Variants in LRFN2 observed in about 807,000 individuals in gnomAD.
LRFN2 encodes the protein leucine-rich repeat and fibronectin type-III domain-containing protein 2.
A neutral mutation model predicts 37.3 loss-of-function variants in LRFN2; 18 were observed. The observed-to-expected ratio is 0.48, with a 90% CI of 0.33 to 0.72. The LOEUF is 0.72. Among genes scored for constraint, LRFN2 ranks in the 30% least tolerant of loss-of-function variants. The pLI is 0.02. For missense variants in LRFN2, 1,006 were observed against 1,060.7 expected, an observed-to-expected ratio of 0.95 and a Z score of 0.72; for synonymous variants, 556 against 466.6, an observed-to-expected ratio of 1.19 and a Z score of -2.47.
At chr6:40,507,232 C>A (rs796349750) in intron 1 of LRFN2, among the ~76,000 whole-genome samples, 1 of 152,146 alleles carries the variant, frequency 6.6e-6, no homozygotes, top group South Asian at 2.1e-4. Flanking sequence ...TCTACTGACA[C>A]GTCAAACTAG....
intron 1 of LRFN2, among the ~76,000 whole-genome samples, chr6:40,496,947 T>C (rs1374571459): frequency 6.6e-6 from 1 of 152,126 alleles, no homozygotes; most frequent in African/African-American, 2.4e-5. Flanking sequence ...ACTCAGTGCC[T>C]TCCCTATCTA....
intron 1 of LRFN2, among the ~76,000 whole-genome samples, chr6:40,441,685 G>T (rs1244912611): frequency 2.0e-5 from 3 of 152,134 alleles, no homozygotes; most frequent in Non-Finnish European, 4.4e-5. Flanking sequence ...TTTAGACCTT[G>T]GGCTGCTCCT....
intron 1 of LRFN2, among the ~76,000 whole-genome samples, chr6:40,572,757 C>G (rs951311496): frequency 5.9e-5 from 9 of 152,202 alleles, no homozygotes; most frequent in Admixed American, 5.9e-4. Flanking sequence ...TAATCCCCAG[C>G]TAGTGGAAGG....
At chr6:40,466,432 T>C (rs1764468525) in intron 1 of LRFN2, among the ~76,000 whole-genome samples, 1 of 151,584 alleles carries the variant, frequency 6.6e-6, no homozygotes, top group Admixed American at 6.6e-5. Context: ...TTTTTAAAGA[T>C]CCCCTGATGT....
chr6:40,500,189 C>T (rs1032469666), intron 1 of LRFN2, among the ~76,000 whole-genome samples: 2 of 152,278 alleles, frequency 1.3e-5, no homozygotes, highest in African/African-American at 4.8e-5. Flanking sequence ...CCGGGAGGCT[C>T]TGCTGTGCTG....
chr6:40,472,951 G>A (rs1764632732), intron 1 of LRFN2, among the ~76,000 whole-genome samples: 1 of 152,144 alleles, frequency 6.6e-6, no homozygotes, highest in African/African-American at 2.4e-5. Context: ...TCCGTCAGGA[G>A]CTCCTGAACC....
At chr6:40,521,935 T>C (rs377294962) in intron 1 of LRFN2, among the ~76,000 whole-genome samples, 11 of 152,358 alleles carry the variant, frequency 7.2e-5, no homozygotes, top group African/African-American at 2.6e-4. Flanking sequence ...CATTCTTCCA[T>C]GATCTTGGAT....
intron 1 of LRFN2, among the ~76,000 whole-genome samples, chr6:40,556,557 T>C (rs11758045): frequency 0.47 from 71,733 of 151,422 alleles, 17,987 homozygotes; most frequent in African/African-American, 0.65. Context: ...CTGGGGATGC[T>C]ACACTGCTTG....
intron 1 of LRFN2, among the ~76,000 whole-genome samples, chr6:40,462,682 G>A (rs1047234355): frequency 2.6e-5 from 4 of 152,066 alleles, no homozygotes; most frequent in Non-Finnish European, 5.9e-5. Flanking sequence ...AACATTTTTT[G>A]TCTATCATCT....
chr6:40,495,320 C>T (rs1014511718), intron 1 of LRFN2, among the ~76,000 whole-genome samples: 12 of 152,204 alleles, frequency 7.9e-5, no homozygotes, highest in African/African-American at 1.2e-4. Context: ...CACTGAAAAA[C>T]ATGGCTCCCT....
At chr6:40,497,818 AG>A (rs1257604812) in intron 1 of LRFN2, among the ~76,000 whole-genome samples, 2 of 152,188 alleles carry the variant, frequency 1.3e-5, no homozygotes, top group Non-Finnish European at 2.9e-5. Context: ...CCAGGAAGCA[AG>A]GATGATCAAA....
intron 2 of LRFN2, among the ~76,000 whole-genome samples, chr6:40,427,295 G>A (rs561140855): frequency 2.5e-4 from 38 of 152,354 alleles, no homozygotes; most frequent in Admixed American, 2.4e-3. Context: ...TATTTGACCA[G>A]TTACAAGTTC....
At position 40,392,756 on chromosome 6, in the gene LRFN2, G is replaced by A; in HGVS notation, c.1557C>T (p.Tyr519=). 6.2e-7 allele frequency: 1 copy of A among 1,614,142 alleles called. No homozygotes were observed. Among genetic ancestry groups the A allele is most frequent in the Non-Finnish European group, 8.5e-7 (1 of 1,180,008 alleles). Residue 519 remains tyrosine, a synonymous_variant, in exon 3 of 3, where the codon TAC becomes TAT. Transcript: ENST00000338305. This position sits in a 1 kb window ranked among gnomAD's most constrained non-coding sequence, Gnocchi z 4.7. ...GGCTGTGCATGGACTGGCACTGCGG[G>A]TAGTCAGCCTTGGTGAAGAACTGGG... ...GCAQFFTKAD[Y]PQCQSMHSQI... is the part of the protein sequence containing the mutation.
At chr6:40,478,670 G>T (rs1227554409) in intron 1 of LRFN2, among the ~76,000 whole-genome samples, 2 of 152,180 alleles carry the variant, frequency 1.3e-5, no homozygotes, top group African/African-American at 4.8e-5. Flanking sequence ...GCTGAGCCAG[G>T]GCTTGAGCTA....
chr6:40,526,059 C>T (rs916158285), intron 1 of LRFN2, among the ~76,000 whole-genome samples: 4 of 152,220 alleles, frequency 2.6e-5, no homozygotes, highest in South Asian at 4.1e-4. Flanking sequence ...AGTGTTTTCT[C>T]GGCTATGTGC....
chr6:40,500,038 C>T (rs902340385), intron 1 of LRFN2, among the ~76,000 whole-genome samples: 16 of 152,244 alleles, frequency 1.1e-4, no homozygotes, highest in African/African-American at 3.6e-4. Flanking sequence ...CCGTGGCAGG[C>T]CTCTCCAGCT....
intron 1 of LRFN2, among the ~76,000 whole-genome samples, chr6:40,514,244 C>T (rs192162249): frequency 1.2e-3 from 187 of 152,140 alleles, no homozygotes; most frequent in African/African-American, 4.3e-3. Context: ...TTTGACCCCC[C>T]ACAACACAAA....
intron 1 of LRFN2, among the ~76,000 whole-genome samples, chr6:40,540,743 G>A (rs1766538490): frequency 1.3e-5 from 2 of 152,160 alleles, no homozygotes; most frequent in Non-Finnish European, 1.5e-5. Context: ...CTCACCCAGC[G>A]GTGGGGCAAG....
chr6:40,463,403 T>G (rs929828861), intron 1 of LRFN2, among the ~76,000 whole-genome samples: 2 of 152,170 alleles, frequency 1.3e-5, no homozygotes, highest in African/African-American at 2.4e-5. Flanking sequence ...GTATTTCATA[T>G]CCTTTTTCCA....
Sources: allele counts gnomAD v4.1 joint callset (sites outside exome capture counted in the v4.1 genomes callset), GRCh38; gene constraint gnomAD v4.1.1; non-coding constraint Gnocchi (gnomAD v3.1); transcripts MANE v1.5; gene names NCBI Gene and HGNC (gene_info 2026-07-23, HGNC 2026-07-21).